The following RTN4 variants were observed in gnomAD, a reference collection of about 807,000 sequenced individuals.
RTN4 encodes the protein reticulon-4.
In RTN4, 32 loss-of-function variants were observed where a neutral mutation model predicts 90.4. That is an observed-to-expected ratio of 0.35 (90% CI 0.27 to 0.48). The LOEUF (loss-of-function observed/expected upper bound fraction) is 0.48. Ranked by LOEUF, RTN4 falls within the 20% of genes least tolerant of loss-of-function variation. RTN4 has a pLI of 0.99. For synonymous variants in RTN4, 629 were observed against 552.5 expected (o/e 1.14, Z -1.94); for missense variants, 1,706 against 1,430.2 (o/e 1.19, Z -3.11).
At chr2:55,079,578 A>G (rs73936828) in intron 2 of RTN4, among the ~76,000 whole-genome samples, 1 of 152,280 alleles carries the variant, frequency 6.6e-6, no homozygotes, top group African/African-American at 2.4e-5. Context: ...AAAAACTGAA[A>G]ATCTTCACTT....
chr2:55,102,481 C>T (rs563668288), intron 1 of RTN4, among the ~76,000 whole-genome samples: 59 of 152,120 alleles, frequency 3.9e-4, no homozygotes, highest in South Asian at 1.5e-3. Context: ...TATTTGTGGA[C>T]GCTAAAAATT....
chr2:55,087,174 G>C (rs1308334814), intron 1 of RTN4, among the ~76,000 whole-genome samples: 2 of 152,176 alleles, frequency 1.3e-5, no homozygotes, highest in Admixed American at 6.5e-5. Context: ...CTATGCTGCT[G>C]TGAATATGTA....
intron 3 of RTN4, among the ~76,000 whole-genome samples, chr2:55,011,522 C>G (rs1680639160): frequency 6.6e-6 from 1 of 151,960 alleles, no homozygotes; most frequent in African/African-American, 2.4e-5. Context: ...ATGCAATTTG[C>G]GAAAATACTA....
chr2:55,099,091 T>G (rs1226079336), intron 1 of RTN4, among the ~76,000 whole-genome samples: 1 of 152,158 alleles, frequency 6.6e-6, no homozygotes, highest in Non-Finnish European at 1.5e-5. Context: ...GAAAGGGGAC[T>G]CTATTACTCC....
At chr2:55,117,628 G>A in the RTN4 span, among the ~76,000 whole-genome samples, 1 of 152,352 alleles carries the variant, frequency 6.6e-6, no homozygotes, top group African/African-American at 2.4e-5. Context: ...CAATTGCTGT[G>A]TTAAAAGCTT....
chr2:55,072,525 G>A (rs899313888), intron 2 of RTN4, among the ~76,000 whole-genome samples: 33 of 152,254 alleles, frequency 2.2e-4, no homozygotes, highest in African/African-American at 6.3e-4. Context: ...CACCGCACCC[G>A]GCCCAGTATT....
chr2:54,974,983 A>G (rs1677503023), intron 5 of RTN4, among the ~76,000 whole-genome samples: 1 of 152,236 alleles, frequency 6.6e-6, no homozygotes, highest in Admixed American at 6.5e-5. Context: ...TCTCTGGACT[A>G]CACTACCAAG....
intron 2 of RTN4, among the ~76,000 whole-genome samples, chr2:55,077,278 G>T (rs927492043): frequency 6.6e-6 from 1 of 152,138 alleles, no homozygotes; most frequent in Non-Finnish European, 1.5e-5. Context: ...CTCCCAAAGT[G>T]CTGGGATTAC....
chr2:55,049,529 C>A, intron 1 of RTN4: 2 of 756,014 alleles, frequency 2.6e-6, no homozygotes, highest in Admixed American at 2.5e-5. Flanking sequence ...ACGTGTTCCC[C>A]GAAACCAAGA....
intron 1 of RTN4, among the ~76,000 whole-genome samples, chr2:55,111,705 C>G (rs144375934): frequency 6.6e-6 from 1 of 152,160 alleles, no homozygotes. Context: ...TCAACGAAAT[C>G]GAAGCCCAAC....
intron 3 of RTN4, among the ~76,000 whole-genome samples, chr2:55,007,433 A>G (rs1680309026): frequency 6.6e-6 from 1 of 152,086 alleles, no homozygotes; most frequent in African/African-American, 2.4e-5. Flanking sequence ...TTACAATCAA[A>G]TCCAAAACTC....
At chr2:55,038,929 AT>A (rs1682874205) in intron 1 of RTN4, among the ~76,000 whole-genome samples, 1 of 152,234 alleles carries the variant, frequency 6.6e-6, no homozygotes, top group Admixed American at 6.5e-5. Context: ...AAAGGAACAA[AT>A]TACTGATACC....
At position 55,025,451 on chromosome 2, in the gene RTN4, G is replaced by A. The variant is rs1160736304; in HGVS notation, c.2648C>T (p.Ser883Phe). 1.2e-6 allele frequency: 2 copies of A among 1,613,640 alleles called. No individual in the cohort carries two copies. Among genetic ancestry groups the A allele is most frequent in the African/African-American group, 2.7e-5 (2 of 74,884 alleles). ...TLISSKTDSFSKLAREYTDLE... is the reference protein window; with the variant it reads ...TLISSKTDSFFKLAREYTDLE... The stretch of plus-strand genomic sequence containing the variant: ...GTCAGTATATTCCCTGGCTAATTTA[G>A]AAAATGAATCAGTTTTAGAACTGAT... The change falls in exon 3 of 9, where the codon TCT becomes TTT. Residue 883 changes from serine to phenylalanine, a missense_variant. Physicochemically the swap from Ser to Phe is radical, Grantham distance 155. Coordinates refer to ENST00000337526, the MANE Select transcript of RTN4 (RefSeq NM_020532.5).
rs368773344 is a variant in RTN4, at chr2:55,026,749, C to T, written c.1350G>A (p.Thr450=). The change falls in exon 3 of 9, where the codon ACG becomes ACA. Residue 450 remains threonine, a synonymous_variant. Transcript: ENST00000337526. ...SSNDDTSFPS[T]PEGIKDRSGA... is the part of the protein sequence containing the mutation. The stretch of plus-strand genomic sequence containing the variant: ...CTGAACGATCCTTTATACCTTCTGG[C>T]GTACTGGGGAAAGAAGTATCATCAT... The T allele has an allele frequency of 1.9e-5, 31 of 1,613,716 alleles. No homozygotes were observed. Among genetic ancestry groups the T allele is most frequent in the South Asian group, 1.1e-5 (1 of 91,076 alleles).
At chr2:55,008,795 T>TA (rs1293599974) in intron 3 of RTN4, among the ~76,000 whole-genome samples, 4 of 152,218 alleles carry the variant, frequency 2.6e-5, no homozygotes, top group Admixed American at 6.5e-5. Flanking sequence ...TGAGCCCTGA[T>TA]ACGACTTTTC....
At chr2:55,036,307 A>G (rs972037880) in intron 1 of RTN4, among the ~76,000 whole-genome samples, 28 of 152,170 alleles carry the variant, frequency 1.8e-4, no homozygotes, top group Admixed American at 1.8e-3. Context: ...TTAACATTCA[A>G]AATCAAACAA....
intron 1 of RTN4, among the ~76,000 whole-genome samples, chr2:55,086,678 A>G (rs1668844683): frequency 6.6e-6 from 1 of 152,016 alleles, no homozygotes; most frequent in African/African-American, 2.4e-5. Context: ...TCTAACCAAC[A>G]TAATAATAAT....
At chr2:55,120,425 C>A in the RTN4 span, among the ~76,000 whole-genome samples, 31 of 152,196 alleles carry the variant, frequency 2.0e-4, no homozygotes, top group African/African-American at 6.5e-4. Flanking sequence ...AACCTTCCTC[C>A]GGCCCAGGCT....
intron 3 of RTN4, among the ~76,000 whole-genome samples, chr2:55,008,712 A>G (rs549619204): frequency 6.6e-6 from 1 of 152,236 alleles, no homozygotes; most frequent in Non-Finnish European, 1.5e-5. Flanking sequence ...TACTTCAACA[A>G]ATAAAGAACT....
Sources: gnomAD v4.1 joint callset for allele counts (sites outside exome capture counted in the v4.1 genomes callset) on GRCh38, gnomAD v4.1.1 for gene constraint, MANE v1.5 for transcripts, NCBI Gene and HGNC (gene_info 2026-07-23, HGNC 2026-07-21) for gene names.